The following RAD51C variants were observed in gnomAD, a reference collection of about 807,000 sequenced individuals.
RAD51C encodes the protein DNA repair protein RAD51 homolog 3.
RAD51C carries 42 observed loss-of-function variants against 45.0 expected under a neutral mutation model. The observed-to-expected ratio is 0.93, with a 90% CI of 0.73 to 1.21. RAD51C has a LOEUF of 1.21. RAD51C is among the 50% of genes most tolerant of loss of function. RAD51C has a pLI of 0.00. For missense variants in RAD51C, 474 were observed against 452.2 expected, an observed-to-expected ratio of 1.05 and a Z score of -0.44; for synonymous variants, 172 against 159.8, an observed-to-expected ratio of 1.08 and a Z score of -0.58.
At chr17:58,697,792 A>G (rs377505447) in intron 3 of RAD51C, among the ~76,000 whole-genome samples, 1 of 151,544 alleles carries the variant, frequency 6.6e-6, no homozygotes. Context: ...GGCTCACTGC[A>G]ACTTCCACCT....
At chr17:58,693,194 C>T (rs2047852790) in intron 1 of RAD51C, 1 of 241,856 alleles carries the variant, frequency 4.1e-6, no homozygotes, top group Admixed American at 5.2e-5. Flanking sequence ...TTCCAAGATC[C>T]AAGGGGTAAG....
At chr17:58,701,898 GA>G (rs1044817852) in intron 3 of RAD51C, among the ~76,000 whole-genome samples, 15 of 151,804 alleles carry the variant, frequency 9.9e-5, no homozygotes, top group African/African-American at 3.6e-4. Context: ...ATCTAAGAAA[GA>G]TTTTATATAA....
intron 7 of RAD51C, among the ~76,000 whole-genome samples, chr17:58,728,508 C>T (rs1284457435): frequency 1.3e-5 from 2 of 151,600 alleles, no homozygotes; most frequent in East Asian, 4.0e-4. Flanking sequence ...AGCAGTCCTC[C>T]CACCTCAGCC....
intron 5 of RAD51C, among the ~76,000 whole-genome samples, chr17:58,715,169 C>A (rs1461992560): frequency 6.6e-6 from 1 of 151,210 alleles, no homozygotes; most frequent in Non-Finnish European, 1.5e-5. Flanking sequence ...AACCTCTTTT[C>A]AGCTGGGTGC....
chr17:58,724,007 G>T lies in RAD51C; in HGVS notation c.905-33G>T, dbSNP rs753228148. ...AGAAATGTATAACCAAGTCAGTAAG[G>T]CCATATACAGTTATTATGTTTTTTA... On this transcript the variant is annotated intron_variant, in intron 6 of 8. Transcript: ENST00000337432. 1.9e-6 allele frequency: 3 copies of T among 1,554,002 alleles called. No individual in the cohort carries two copies. The South Asian group carries it at 3.3e-5, about 17-fold the overall frequency.
intron 5 of RAD51C, among the ~76,000 whole-genome samples, chr17:58,715,152 A>C (rs2048687857): frequency 1.3e-5 from 2 of 151,860 alleles, no homozygotes; most frequent in South Asian, 2.1e-4. Flanking sequence ...AACAAAAAAA[A>C]ACAAAAAACC....
At chr17:58,717,417 G>GTTTCTAAACTAAAT (rs2048778111) in intron 5 of RAD51C, among the ~76,000 whole-genome samples, 3 of 151,796 alleles carry the variant, frequency 2.0e-5, no homozygotes, top group Admixed American at 1.3e-4. Context: ...GTGACAGAGT[G>GTTTCTAAACTAAAT]AGACCCCATT....
At position 58,729,725 on chromosome 17, in the gene RAD51C, C is replaced by A. The variant is rs140404131; in HGVS notation, c.966-2759C>A. Among the ~76,000 whole-genome samples, 16 of 152,072 alleles carry A rather than the reference C, an allele frequency of 1.1e-4. 1 individual carries two copies. The South Asian group carries it at 3.3e-3, about 32-fold the overall frequency. On this transcript the variant is annotated intron_variant, in intron 7 of 8. Coordinates refer to ENST00000337432, the MANE Select transcript of RAD51C (RefSeq NM_058216.3). Reference sequence around the variant, plus strand: ...TAGCTGGGATTATAGGCATGCGCCACCACACTTGGCTAACTTTTGTATTTT... The same window carrying A: ...TAGCTGGGATTATAGGCATGCGCCAACACACTTGGCTAACTTTTGTATTTT...
chr17:58,692,793 C>A lies in RAD51C; in HGVS notation c.145+5C>A, dbSNP rs876660577. The stretch of plus-strand genomic sequence containing the variant: ...AACCCTCCGAGCTTAGCAAAGGTAA[C>A]GACTCCTGATGGCAAGCTGAGGCAC... On this transcript the variant is annotated splice_donor_5th_base_variant and intron_variant, in intron 1 of 8. Transcript: ENST00000337432. The A allele has an allele frequency of 3.7e-6, 6 of 1,614,058 alleles. No individual in the cohort carries two copies. Among genetic ancestry groups the A allele is most frequent in the Non-Finnish European group, 8.5e-7 (1 of 1,180,030 alleles).
chr17:58,702,877 G>T (rs558051390), intron 3 of RAD51C, among the ~76,000 whole-genome samples: 72 of 152,136 alleles, frequency 4.7e-4, no homozygotes, highest in Non-Finnish European at 7.8e-4. Flanking sequence ...CAGATTAAGA[G>T]AGACATCAGG....
chr17:58,702,355 A>G (rs956711360), intron 3 of RAD51C, among the ~76,000 whole-genome samples: 4 of 152,178 alleles, frequency 2.6e-5, no homozygotes, highest in African/African-American at 9.7e-5. Flanking sequence ...AAATAATTTT[A>G]CATAGCCTAA....
intron 3 of RAD51C, among the ~76,000 whole-genome samples, chr17:58,702,243 A>C (rs1334184721): frequency 5.9e-5 from 9 of 152,130 alleles, no homozygotes; most frequent in Admixed American, 5.9e-4. Flanking sequence ...CTATAGAAAA[A>C]AGCAAGAAAG....
chr17:58,726,456 ATGTATATATGTGTATACG>A (rs2049134887), intron 7 of RAD51C, among the ~76,000 whole-genome samples: 1 of 121,706 alleles, frequency 8.2e-6, no homozygotes. Flanking sequence ...GTATATACAT[ATGTATATATGTGTATACG>A]TATAGATGTA....
At chr17:58,709,815 T>A in intron 4 of RAD51C, 44 bp from the exon 5 acceptor site, 2 of 1,542,734 alleles carry the variant, frequency 1.3e-6, no homozygotes, top group Non-Finnish European at 1.8e-6. Flanking sequence ...TTATTATTAT[T>A]TTATTTTTCG....
upstream of RAD51C, chr17:58,692,577 TCAC>T: frequency 6.3e-7 from 1 of 1,594,334 alleles, no homozygotes; most frequent in Non-Finnish European, 8.5e-7. Context: ...ACGTCTGACG[TCAC>T]GCCGCACGCC....
intron 7 of RAD51C, among the ~76,000 whole-genome samples, chr17:58,726,589 T>C (rs1457886326): frequency 7.8e-6 from 1 of 128,026 alleles, no homozygotes; most frequent in Non-Finnish European, 1.8e-5. Context: ...TACATATAGA[T>C]GTATATATGT....
At chr17:58,695,834 A>G (rs1598457821) in intron 2 of RAD51C, among the ~76,000 whole-genome samples, 2 of 152,172 alleles carry the variant, frequency 1.3e-5, no homozygotes. Context: ...TGGGAGGCTG[A>G]GGCGGGTGGA....
intron 5 of RAD51C, among the ~76,000 whole-genome samples, chr17:58,710,528 A>T (rs1302636788): frequency 2.0e-5 from 3 of 149,304 alleles, no homozygotes; most frequent in South Asian, 2.1e-4. Flanking sequence ...ACTTTGTTTG[A>T]TAAAGAAATG....
intron 6 of RAD51C, among the ~76,000 whole-genome samples, chr17:58,722,416 G>A (rs1414499324): frequency 6.6e-6 from 1 of 152,164 alleles, no homozygotes; most frequent in Non-Finnish European, 1.5e-5. Context: ...GGCTATTGAG[G>A]CATTTAAAAT....
Sources: gnomAD v4.1 joint callset for allele counts (sites outside exome capture counted in the v4.1 genomes callset) on GRCh38, gnomAD v4.1.1 for gene constraint, MANE v1.5 for transcripts, NCBI Gene and HGNC (gene_info 2026-07-23, HGNC 2026-07-21) for gene names.